PDE1A: variants seen among roughly 807,000 people sequenced by gnomAD.
The protein encoded by PDE1A is dual specificity calcium/calmodulin-dependent 3',5'-cyclic nucleotide phosphodiesterase 1A.
In PDE1A, 35 loss-of-function variants were observed where a neutral mutation model predicts 61.7. That is an observed-to-expected ratio of 0.57 (90% confidence interval 0.43 to 0.75). PDE1A has a LOEUF of 0.75. Among genes scored for constraint, PDE1A ranks in the 30% least tolerant of loss-of-function variants. The pLI, the probability that PDE1A is intolerant of heterozygous loss-of-function variation, is 0.00. For synonymous variants in PDE1A, 232 were observed against 213.2 expected (o/e 1.09, Z -0.77); for missense variants, 597 against 630.6 (o/e 0.95, Z 0.57).
the PDE1A span, among the ~76,000 whole-genome samples, chr2:182,637,785 G>A: frequency 2.6e-4 from 39 of 152,224 alleles, no homozygotes; most frequent in Non-Finnish European, 4.7e-4. Context: ...GCCAGGCATG[G>A]TGGTACGTGC....
At chr2:182,359,422 T>C (rs552539142) in intron 1 of PDE1A, among the ~76,000 whole-genome samples, 112 of 152,270 alleles carry the variant, frequency 7.4e-4, no homozygotes, top group African/African-American at 2.5e-3. Flanking sequence ...TAAAACTGCT[T>C]TTAGAGAGGA....
At chr2:182,184,980 A>G (rs1256526800) in intron 13 of PDE1A, among the ~76,000 whole-genome samples, 1 of 152,162 alleles carries the variant, frequency 6.6e-6, no homozygotes, top group Non-Finnish European at 1.5e-5. Context: ...TGTTATATTT[A>G]TGGTTGACAT....
chr2:182,312,897 G>C (rs1176022393), intron 1 of PDE1A, among the ~76,000 whole-genome samples: 1 of 150,830 alleles, frequency 6.6e-6, no homozygotes, highest in Non-Finnish European at 1.5e-5. Context: ...GAACAATTTA[G>C]TGTGAACTGA....
the PDE1A span, among the ~76,000 whole-genome samples, chr2:182,711,182 T>C: frequency 6.6e-6 from 1 of 152,056 alleles, no homozygotes; most frequent in Non-Finnish European, 1.5e-5. Context: ...CTGGAATAGG[T>C]TGGAACCTGA....
At chr2:182,665,836 A>G in the PDE1A span, among the ~76,000 whole-genome samples, 1 of 152,202 alleles carries the variant, frequency 6.6e-6, no homozygotes, top group Non-Finnish European at 1.5e-5. Flanking sequence ...TTAATGATAG[A>G]CTGGATAAAG....
chr2:182,612,123 C>A, the PDE1A span, among the ~76,000 whole-genome samples: 1 of 152,148 alleles, frequency 6.6e-6, no homozygotes, highest in Non-Finnish European at 1.5e-5. Context: ...TTTTAATATT[C>A]AGAAAAATCT....
At chr2:182,543,664 C>T in the PDE1A span, among the ~76,000 whole-genome samples, 12,249 of 151,744 alleles carry the variant, frequency 0.081, 1,620 homozygotes, top group African/African-American at 0.28. Flanking sequence ...ACAAATTAAA[C>T]ATTGGAAACA....
chr2:182,343,328 C>A (rs1226691882), intron 1 of PDE1A, among the ~76,000 whole-genome samples: 1 of 152,162 alleles, frequency 6.6e-6, no homozygotes, highest in African/African-American at 2.4e-5. Context: ...TCACCTTATT[C>A]CCTGGCTAAC....
At chr2:182,237,913 G>A (rs942254590) in intron 3 of PDE1A, among the ~76,000 whole-genome samples, 1 of 152,190 alleles carries the variant, frequency 6.6e-6, no homozygotes, top group Admixed American at 6.5e-5. Context: ...CTAGAAAGCA[G>A]AAAGGGACCT....
At chr2:182,228,974 G>A (rs1202302252) in intron 6 of PDE1A, among the ~76,000 whole-genome samples, 1 of 151,990 alleles carries the variant, frequency 6.6e-6, no homozygotes, top group Non-Finnish European at 1.5e-5. Flanking sequence ...TGCGAGGCTG[G>A]GCCAAATTCC....
At chr2:182,419,838 G>T (rs930320828) in intron 1 of PDE1A, among the ~76,000 whole-genome samples, 1 of 151,990 alleles carries the variant, frequency 6.6e-6, no homozygotes, top group African/African-American at 2.4e-5. Flanking sequence ...ATACCAGTGT[G>T]GTCCCTGTAG....
chr2:182,229,024 A>T (rs547705354), intron 6 of PDE1A, among the ~76,000 whole-genome samples: 2 of 152,172 alleles, frequency 1.3e-5, no homozygotes, highest in South Asian at 2.1e-4. Flanking sequence ...ATTTGGTCCC[A>T]TAACAGTCTT....
the PDE1A span, among the ~76,000 whole-genome samples, chr2:182,694,126 C>T: frequency 2.0e-5 from 3 of 152,196 alleles, no homozygotes; most frequent in East Asian, 1.9e-4. Context: ...ATATTTATGT[C>T]GTTGATTCAT....
the PDE1A span, among the ~76,000 whole-genome samples, chr2:182,612,900 C>T: frequency 2.6e-5 from 4 of 152,180 alleles, no homozygotes; most frequent in Admixed American, 2.6e-4. Context: ...AGATCGGCCT[C>T]CTCCATAAGC....
In PDE1A at chr2:182,181,997, G is replaced by C. The variant is rs991428259; in HGVS notation, c.1516+3895C>G. Among the ~76,000 whole-genome samples, 151 of 152,260 alleles carry C rather than the reference G, an allele frequency of 9.9e-4. 1 individual carries two copies. The highest frequency in any genetic ancestry group is 3.5e-3 in the African/African-American group (144 of 41,554). On this transcript the variant is annotated intron_variant, in intron 13 of 13. Transcript: ENST00000351439. ...TGTTCCATAATATGTACATACTACAGTATATAAATCAATTTTACTGTTTTT... is the reference window on the plus strand; with the variant it reads ...TGTTCCATAATATGTACATACTACACTATATAAATCAATTTTACTGTTTTT...
chr2:182,522,537 T>A, intron 1 of PDE1A: 2 of 1,441,370 alleles, frequency 1.4e-6, no homozygotes, highest in Non-Finnish European at 1.8e-6. Context: ...AGATTTGCTA[T>A]TGACTTTGAC....
the PDE1A span, among the ~76,000 whole-genome samples, chr2:182,676,082 T>A: frequency 6.6e-6 from 1 of 152,188 alleles, no homozygotes; most frequent in African/African-American, 2.4e-5. Context: ...TTTTATACTT[T>A]TTGGTTTTAC....
chr2:182,587,580 A>G, the PDE1A span, among the ~76,000 whole-genome samples: 1 of 152,220 alleles, frequency 6.6e-6, no homozygotes, highest in African/African-American at 2.4e-5. Flanking sequence ...CTGTGCACTA[A>G]CTAAGAATTA....
chr2:182,517,420 T>G (rs1690275759), intron 2 of PDE1A, among the ~76,000 whole-genome samples: 1 of 152,212 alleles, frequency 6.6e-6, no homozygotes, highest in African/African-American at 2.4e-5. Flanking sequence ...GCTGATCTAA[T>G]TTTCTAGTTA....
Sources: gnomAD v4.1 joint callset for allele counts (sites outside exome capture counted in the v4.1 genomes callset) on GRCh38, gnomAD v4.1.1 for gene constraint, MANE v1.5 for transcripts, NCBI Gene and HGNC (gene_info 2026-07-23, HGNC 2026-07-21) for gene names.